AGBL4: variants seen among roughly 807,000 people sequenced by gnomAD.
AGBL4 encodes AGBL carboxypeptidase 4.
A neutral mutation model predicts 66.4 loss-of-function variants in AGBL4; 58 were observed. That is an observed-to-expected ratio of 0.87 (90% confidence interval 0.71 to 1.09). The LOEUF is 1.09. Ranked by LOEUF, AGBL4 falls within the 50% of genes least tolerant of loss-of-function variation. AGBL4 has a pLI of 0.00. For synonymous variants in AGBL4, 234 were observed against 222.9 expected, an observed-to-expected ratio of 1.05 and a Z score of -0.44; for missense variants, 579 against 631.0, an observed-to-expected ratio of 0.92 and a Z score of 0.88.
intron 6 of AGBL4, among the ~76,000 whole-genome samples, chr1:48,674,783 A>G (rs1389897391): frequency 2.0e-5 from 3 of 152,150 alleles, no homozygotes; most frequent in African/African-American, 7.2e-5. Flanking sequence ...TGTGGCTATT[A>G]TTAGTCATTC....
At chr1:48,677,722 G>C (rs909467578) in intron 6 of AGBL4, among the ~76,000 whole-genome samples, 9 of 147,738 alleles carry the variant, frequency 6.1e-5, no homozygotes, top group Non-Finnish European at 1.3e-4. Flanking sequence ...TCCTTGTAAC[G>C]TCACACACCC....
intron 8 of AGBL4, among the ~76,000 whole-genome samples, chr1:48,639,388 T>A (rs557670789): frequency 3.9e-5 from 6 of 152,178 alleles, no homozygotes; most frequent in African/African-American, 1.4e-4. Context: ...CCACCTCCAA[T>A]GTCTGTGTCA....
At position 50,010,520 on chromosome 1, in the gene AGBL4, C is replaced by CA. The variant is rs562574911; in HGVS notation, c.34+13242dup. On this transcript the variant is annotated intron_variant, in intron 1 of 13. Transcript: ENST00000371839. ...CAACAGAGCCAAAGCTATCCTAAAG[C>CA]AAAAAAACAAAACAAAACTGGAGGA... Among the ~76,000 whole-genome samples the CA allele has an allele frequency of 2.0e-4, 30 of 149,508 alleles. No homozygotes were observed. The East Asian group carries it at 2.8e-3, about 14-fold the overall frequency.
intron 6 of AGBL4, among the ~76,000 whole-genome samples, chr1:48,792,775 T>A (rs1346579405): frequency 6.6e-6 from 1 of 152,226 alleles, no homozygotes; most frequent in Non-Finnish European, 1.5e-5. Context: ...AACTAGTTTT[T>A]AAATTTTTAG....
Position 49,946,294 on chromosome 1 carries a change from G to A in AGBL4, c.34+77469C>T, listed in dbSNP as rs1020929691. Among the ~76,000 whole-genome samples, 24 of 152,080 alleles carry A rather than the reference G, an allele frequency of 1.6e-4. No homozygotes were observed. The East Asian group carries it at 4.6e-3, about 29-fold the overall frequency. On this transcript the variant is annotated intron_variant, in intron 1 of 13. Transcript: ENST00000371839. The stretch of plus-strand genomic sequence containing the variant: ...ATTGCATGGAACTTTCTCCAAGATA[G>A]ACGATATGATAGCCTACAAAACAAG...
At chr1:49,228,941 C>T (rs934887894) in intron 4 of AGBL4, among the ~76,000 whole-genome samples, 2 of 152,168 alleles carry the variant, frequency 1.3e-5, no homozygotes, top group Admixed American at 6.5e-5. Flanking sequence ...CATCACCTAG[C>T]ACAGGACCCA....
At chr1:49,273,941 C>T (rs572932786) in intron 3 of AGBL4, among the ~76,000 whole-genome samples, 1 of 152,164 alleles carries the variant, frequency 6.6e-6, no homozygotes, top group South Asian at 2.1e-4. Context: ...CTCGGCCTCC[C>T]AAAGTGCTGG....
intron 3 of AGBL4, among the ~76,000 whole-genome samples, chr1:49,600,743 G>A (rs1320287929): frequency 6.6e-6 from 1 of 152,172 alleles, no homozygotes; most frequent in Non-Finnish European, 1.5e-5. Context: ...TGCAGTTGCT[G>A]CTACCAGTTG....
chr1:49,192,676 G>A lies in AGBL4; in HGVS notation c.377+53094C>T, dbSNP rs942376655. On this transcript the variant is annotated intron_variant, in intron 4 of 13. Coordinates refer to ENST00000371839, the MANE Select transcript of AGBL4 (RefSeq NM_032785.4). ...GTCTGTTCATGTCCTTTGTAAAAGG[G>A]CATTTTAGTATTAGCCAACTATGCT... is the stretch of plus-strand genomic sequence containing the variant. 4.6e-5 allele frequency among the ~76,000 whole-genome samples: 7 copies of A among 152,136 alleles called. No individual in the cohort carries two copies. The East Asian group carries it at 1.3e-3, about 29-fold the overall frequency.
intron 3 of AGBL4, among the ~76,000 whole-genome samples, chr1:49,407,525 C>T (rs1029847589): frequency 3.3e-5 from 5 of 152,190 alleles, no homozygotes; most frequent in Admixed American, 6.5e-5. Context: ...ACTCAGTTGG[C>T]TCTGTTTCTT....
At chr1:49,956,532 T>G (rs934207619) in intron 1 of AGBL4, among the ~76,000 whole-genome samples, 1 of 151,880 alleles carries the variant, frequency 6.6e-6, no homozygotes, top group South Asian at 2.1e-4. Context: ...CCTTAAGAAA[T>G]TTACAATGCA....
At chr1:49,728,354 G>C (rs1649183433) in intron 2 of AGBL4, among the ~76,000 whole-genome samples, 1 of 152,166 alleles carries the variant, frequency 6.6e-6, no homozygotes, top group South Asian at 2.1e-4. Context: ...GGATTTTTAA[G>C]ATGAGAAATA....
chr1:49,033,133 A>G (rs1051759049), intron 5 of AGBL4, among the ~76,000 whole-genome samples: 1 of 152,086 alleles, frequency 6.6e-6, no homozygotes, highest in African/African-American at 2.4e-5. Context: ...CTGAGATGAC[A>G]TATCTGCCTC....
chr1:48,787,051 T>A (rs780653653), intron 6 of AGBL4, among the ~76,000 whole-genome samples: 1 of 152,138 alleles, frequency 6.6e-6, no homozygotes, highest in Non-Finnish European at 1.5e-5. Flanking sequence ...TAGCCTCATT[T>A]TAAAGGTGAG....
rs981644888 is a variant in AGBL4 at position 48,957,943 on chromosome 1, C to T, written c.594+87641G>A. On this transcript the variant is annotated intron_variant, in intron 5 of 13. Transcript: ENST00000371839. Reference sequence around the variant, plus strand: ...TTTCCTCAGGATAAACTTCAGGATCCTTGGCATAACAGTCCACAGTCTGAC... The same window carrying T: ...TTTCCTCAGGATAAACTTCAGGATCTTTGGCATAACAGTCCACAGTCTGAC... Among the ~76,000 whole-genome samples the T allele has an allele frequency of 5.9e-5, 9 of 152,292 alleles. No individual in the cohort carries two copies. The South Asian group carries it at 1.9e-3, about 32-fold the overall frequency.
chr1:48,838,170 A>C (rs1489437400), intron 6 of AGBL4, among the ~76,000 whole-genome samples: 2 of 152,088 alleles, frequency 1.3e-5, no homozygotes, highest in African/African-American at 2.4e-5. Flanking sequence ...GAAATTCAAC[A>C]CAGAAATAGA....
At chr1:48,566,285 C>T (rs960266544) in intron 11 of AGBL4, among the ~76,000 whole-genome samples, 1 of 152,124 alleles carries the variant, frequency 6.6e-6, no homozygotes, top group Non-Finnish European at 1.5e-5. Flanking sequence ...CAATGTTTTC[C>T]CTGTTTTGTA....
intron 2 of AGBL4, among the ~76,000 whole-genome samples, chr1:49,741,358 T>C (rs962638547): frequency 6.6e-6 from 1 of 152,086 alleles, no homozygotes; most frequent in Non-Finnish European, 1.5e-5. Context: ...CATGAAGAAG[T>C]TGAATCTCTG....
intron 4 of AGBL4, among the ~76,000 whole-genome samples, chr1:49,157,846 T>A (rs894738768): frequency 6.6e-6 from 1 of 152,368 alleles, no homozygotes; most frequent in Admixed American, 6.5e-5. Context: ...ATGAGCTTTT[T>A]TTCATATATT....
Sources: allele counts gnomAD v4.1 joint callset (sites outside exome capture counted in the v4.1 genomes callset), GRCh38; gene constraint gnomAD v4.1.1; transcripts MANE v1.5; gene names NCBI Gene and HGNC (gene_info 2026-07-23, HGNC 2026-07-21).